The following HECW1 variants were observed in gnomAD, a reference collection of about 807,000 sequenced individuals.
The protein encoded by HECW1 is HECT, C2 and WW domain containing E3 ubiquitin protein ligase 1, also known as E3 ubiquitin-protein ligase HECW1.
A neutral mutation model predicts 182.3 loss-of-function variants in HECW1; 61 were observed. That is an observed-to-expected ratio of 0.33 (90% CI 0.27 to 0.41). HECW1 has a LOEUF of 0.41. Ranked by LOEUF, HECW1 falls within the 10% of genes least tolerant of loss-of-function variation. The pLI is 1.00. For synonymous variants in HECW1, 859 were observed against 832.6 expected, an observed-to-expected ratio of 1.03 and a Z score of -0.55; for missense variants, 1,739 against 2,108.9, an observed-to-expected ratio of 0.82 and a Z score of 3.44.
At chr7:43,126,303 A>G (rs2152612603) in intron 2 of HECW1, among the ~76,000 whole-genome samples, 1 of 152,232 alleles carries the variant, frequency 6.6e-6, no homozygotes, top group South Asian at 2.1e-4. Context: ...TTTTTGCTAC[A>G]ACACCTTAGA....
At chr7:43,482,489 C>G (rs1287790483) in intron 17 of HECW1, among the ~76,000 whole-genome samples, 3 of 152,062 alleles carry the variant, frequency 2.0e-5, no homozygotes, top group Non-Finnish European at 4.4e-5. Context: ...ACTTTTGAAG[C>G]CAGGCCAAAA....
At chr7:43,319,302 G>A (rs995255092) in intron 4 of HECW1, among the ~76,000 whole-genome samples, 1 of 147,076 alleles carries the variant, frequency 6.8e-6, no homozygotes, top group East Asian at 2.0e-4. Context: ...CAGGAGAATG[G>A]CGTGAACCCG....
intron 3 of HECW1, among the ~76,000 whole-genome samples, chr7:43,281,060 T>G (rs1803834384): frequency 6.6e-6 from 1 of 152,266 alleles, no homozygotes; most frequent in African/African-American, 2.4e-5. Flanking sequence ...CTGCACTCAT[T>G]GACTGGGGGA....
chr7:43,393,072 C>T (rs1192293843), intron 6 of HECW1, among the ~76,000 whole-genome samples: 3 of 152,184 alleles, frequency 2.0e-5, no homozygotes, highest in Non-Finnish European at 4.4e-5. Flanking sequence ...CTTCTACACC[C>T]CACAACAGAT....
At chr7:43,498,619 C>T (rs2079205374) in intron 19 of HECW1, among the ~76,000 whole-genome samples, 1 of 151,872 alleles carries the variant, frequency 6.6e-6, no homozygotes, top group Admixed American at 6.5e-5. Context: ...GTTCTCTTTG[C>T]TGGGCTTTCA....
At chr7:43,500,199 A>G (rs1466176729) in intron 19 of HECW1, among the ~76,000 whole-genome samples, 1 of 151,472 alleles carries the variant, frequency 6.6e-6, no homozygotes, top group Non-Finnish European at 1.5e-5. Context: ...CTCCCGGTTC[A>G]AGCGATTCTC....
Position 43,500,739 on chromosome 7 carries a change from C to T in HECW1, c.3478C>T (p.Leu1160Phe). The T allele has an allele frequency of 6.2e-7, 1 of 1,613,816 alleles. No homozygotes were observed. The change falls in exon 20 of 30, where the codon CTT becomes TTT. Residue 1160 changes from leucine (L) to phenylalanine (F), a missense_variant. Leu to Phe is a conservative substitution (Grantham distance 22). Around this residue, in one of 5 missense-constraint regions of HECW1, gnomAD observed 420 missense variants for 595.7 expected, o/e 0.71. Coordinates refer to ENST00000395891, the MANE Select transcript of HECW1 (RefSeq NM_015052.5). ...CATTCGGACTGAGGGTAATCACGGG[C>T]TTGAGAAGTTGTCCTGTGATGCGGA... Reference protein sequence around the residue: ...HYIRTEGNHGLEKLSCDADLV... With the variant: ...HYIRTEGNHGFEKLSCDADLV...
chr7:43,519,940 G>T (rs1025540), intron 24 of HECW1, among the ~76,000 whole-genome samples: 39,824 of 152,068 alleles, frequency 0.26, 5,545 homozygotes, highest in South Asian at 0.45. Context: ...TTATCAATAT[G>T]TGTCACAGGA....
At chr7:43,201,337 G>A (rs1251107808) in intron 2 of HECW1, among the ~76,000 whole-genome samples, 4 of 152,178 alleles carry the variant, frequency 2.6e-5, no homozygotes, top group East Asian at 1.9e-4. Flanking sequence ...CTGAGGCTGC[G>A]GAAGTCCATG....
intron 24 of HECW1, among the ~76,000 whole-genome samples, chr7:43,514,734 C>T (rs138116227): frequency 1.7e-3 from 257 of 152,172 alleles, no homozygotes; most frequent in African/African-American, 6.0e-3. Flanking sequence ...AATAATTAAG[C>T]TAAATAATGA....
At chr7:43,398,256 C>CA (rs973827066) in intron 7 of HECW1, among the ~76,000 whole-genome samples, 2 of 151,248 alleles carry the variant, frequency 1.3e-5, no homozygotes, top group Non-Finnish European at 2.9e-5. Flanking sequence ...GACTCCATCT[C>CA]AAAAAAAATG....
intron 17 of HECW1, among the ~76,000 whole-genome samples, chr7:43,488,484 G>GAAAGA (rs2078798413): frequency 6.8e-6 from 1 of 147,072 alleles, no homozygotes; most frequent in African/African-American, 2.6e-5. Context: ...AAGAAAGAAA[G>GAAAGA]AAAGAGAAAG....
chr7:43,221,248 C>T (rs1214736439), intron 2 of HECW1, among the ~76,000 whole-genome samples: 2 of 152,122 alleles, frequency 1.3e-5, no homozygotes, highest in Admixed American at 1.3e-4. Flanking sequence ...TTCACATACA[C>T]TAGAAGAATG....
intron 24 of HECW1, among the ~76,000 whole-genome samples, chr7:43,530,886 T>C (rs1018313528): frequency 6.6e-6 from 1 of 152,208 alleles, no homozygotes; most frequent in Admixed American, 6.5e-5. Context: ...TTCATATGGG[T>C]GCAAAGTGAT....
chr7:43,327,885 T>G (rs1213024234), intron 5 of HECW1, among the ~76,000 whole-genome samples: 1 of 152,038 alleles, frequency 6.6e-6, no homozygotes, highest in Non-Finnish European at 1.5e-5. Flanking sequence ...AGAGCAAGAT[T>G]AAAGGCACGG....
chr7:43,179,461 T>C (rs1436712525), intron 2 of HECW1, among the ~76,000 whole-genome samples: 1 of 152,254 alleles, frequency 6.6e-6, no homozygotes, highest in Middle Eastern at 3.2e-3. Flanking sequence ...AATGGCTTTA[T>C]ATTTTACTGG....
intron 2 of HECW1, among the ~76,000 whole-genome samples, chr7:43,216,933 G>A (rs1221653654): frequency 6.6e-6 from 1 of 152,108 alleles, no homozygotes; most frequent in Non-Finnish European, 1.5e-5. Context: ...GGGATTACAG[G>A]CGTGAGCCAC....
intron 2 of HECW1, among the ~76,000 whole-genome samples, chr7:43,177,661 A>G (rs1162093883): frequency 1.3e-5 from 2 of 152,212 alleles, no homozygotes; most frequent in African/African-American, 4.8e-5. Flanking sequence ...CCTTCATTTC[A>G]TCCTTAATAA....
At chr7:43,329,813 G>A (rs573350695) in intron 5 of HECW1, among the ~76,000 whole-genome samples, 11 of 152,130 alleles carry the variant, frequency 7.2e-5, no homozygotes, top group Non-Finnish European at 1.3e-4. Context: ...TGTGTAGGGG[G>A]AGTGTAAAGT....
Sources: gnomAD v4.1 joint callset for allele counts (sites outside exome capture counted in the v4.1 genomes callset) on GRCh38, gnomAD v4.1.1 for gene constraint, gnomAD v4.1.1 regional missense constraint, MANE v1.5 for transcripts, NCBI Gene and HGNC (gene_info 2026-07-23, HGNC 2026-07-21) for gene names.